ZNF117: variants seen among roughly 807,000 people sequenced by gnomAD.
The protein encoded by ZNF117 is Krueppel-related zinc finger protein.
In ZNF117, 37 loss-of-function variants were observed where a neutral mutation model predicts 41.2. The ratio of observed to expected loss-of-function variants is 0.90; its 90% CI spans 0.69 to 1.18. ZNF117 has a LOEUF of 1.18. Among genes scored for constraint, ZNF117 ranks in the 50% most tolerant of loss-of-function variants. The pLI, the probability that ZNF117 is intolerant of heterozygous loss-of-function variation, is 0.00. For missense variants in ZNF117, 546 were observed against 557.5 expected (o/e 0.98, Z 0.21); for synonymous variants, 186 against 186.6 (o/e 1.00, Z 0.02).
chr7:64,986,825 T>C (rs151265032), upstream of ZNF117, among the ~76,000 whole-genome samples: 1 of 152,244 alleles, frequency 6.6e-6, no homozygotes, highest in East Asian at 1.9e-4. Flanking sequence ...GAGATTTATA[T>C]TTAGATTCTG....
upstream of ZNF117, among the ~76,000 whole-genome samples, chr7:64,983,845 C>G (rs976432709): frequency 5.3e-5 from 8 of 152,158 alleles, no homozygotes; most frequent in African/African-American, 1.9e-4. Flanking sequence ...AAAAACAGCT[C>G]TCACTCTGAG....
At chr7:64,979,169 C>T in exon 3 of ZNF117, 1 of 1,605,094 alleles carries the variant, frequency 6.2e-7, no homozygotes. Flanking sequence ...TGTAGAAATT[C>T]ACTCTAGTTT....
downstream of ZNF117, chr7:64,971,934 C>A (rs954158233): frequency 6.6e-6 from 1 of 151,958 alleles, no homozygotes; most frequent in African/African-American, 2.4e-5. Context: ...ATTTGCAAAT[C>A]ATACGTGGGA....
chr7:64,985,141 T>G (rs1786108033), upstream of ZNF117, among the ~76,000 whole-genome samples: 1 of 152,238 alleles, frequency 6.6e-6, no homozygotes, highest in Admixed American at 6.5e-5. Context: ...AATATTGTAG[T>G]GTTATATTCA....
chr7:64,982,422 C>G (rs548448532), upstream of ZNF117, among the ~76,000 whole-genome samples: 15 of 152,148 alleles, frequency 9.9e-5, no homozygotes, highest in Non-Finnish European at 1.9e-4. Flanking sequence ...AATGCTATAT[C>G]TGCATCATAC....
chr7:64,987,619 CAAGAATACAAATA>C (rs1372060383), intron 1 of ZNF117, among the ~76,000 whole-genome samples: 1 of 152,020 alleles, frequency 6.6e-6, no homozygotes, highest in Non-Finnish European at 1.5e-5. Context: ...CCTGACCCCA[CAAGAATACAAATA>C]ACTGTTGAAG....
chr7:64,973,930 A>T (rs926602699), downstream of ZNF117: 2 of 151,976 alleles, frequency 1.3e-5, no homozygotes, highest in African/African-American at 4.8e-5. Flanking sequence ...TAACTCCAGC[A>T]GGAATGTTTA....
At chr7:64,988,752 A>G (rs1786189439) in intron 1 of ZNF117, among the ~76,000 whole-genome samples, 3 of 152,170 alleles carry the variant, frequency 2.0e-5, no homozygotes, top group African/African-American at 7.2e-5. Flanking sequence ...CAAACTTCAC[A>G]ATACAAAGCA....
At chr7:64,979,124 G>A (rs776158864) in exon 3 of ZNF117, 17 of 1,611,638 alleles carry the variant, frequency 1.1e-5, no homozygotes, top group Non-Finnish European at 5.9e-6. Context: ...TAAGGGTTGA[G>A]GACCAGTTAA....
exon 3 of ZNF117, chr7:64,977,543 T>C (rs530270665): frequency 3.7e-6 from 2 of 542,250 alleles, no homozygotes; most frequent in South Asian, 1.5e-5. Flanking sequence ...GGTTAAAAGC[T>C]TTGCCACATT....
Position 64,980,508 on chromosome 7 carries a change from G to A in ZNF117, c.34+879C>T, listed in dbSNP as rs1428750250. Reference sequence around the variant, plus strand: ...AAAATATCAAAAAACAGATATTGTGGAGGTAAAAAATATAAAAAAGGAACT... The same window carrying A: ...AAAATATCAAAAAACAGATATTGTGAAGGTAAAAAATATAAAAAAGGAACT... On this transcript the variant is annotated intron_variant, in intron 2 of 2. Transcript: ENST00000620222. 3 of 151,726 alleles carry A rather than the reference G, an allele frequency of 2.0e-5. No homozygotes were observed. In the East Asian group the frequency reaches 5.8e-4, roughly 29 times the overall value. 9.4% of individuals were successfully genotyped at this position (151,726 alleles called of 1,614,324 possible).
exon 3 of ZNF117, chr7:64,979,244 A>C (rs1320744420): frequency 2.5e-6 from 4 of 1,608,186 alleles, no homozygotes; most frequent in Non-Finnish European, 3.4e-6. Flanking sequence ...CTTTACATTT[A>C]AAATGTTTAT....
exon 3 of ZNF117, chr7:64,977,434 TA>T: frequency 2.2e-6 from 1 of 449,238 alleles, no homozygotes; most frequent in Non-Finnish European, 4.4e-6. Flanking sequence ...TTATGTGTAG[TA>T]AGTTTTGAGC....
intron 2 of ZNF117, 150 bp from the exon 4 acceptor site, chr7:64,979,686 G>GT (rs1403069991): frequency 2.2e-5 from 12 of 535,214 alleles, no homozygotes; most frequent in Admixed American, 3.8e-5. Context: ...ACATATAAAT[G>GT]TAACAAGAGC....
At chr7:64,976,571 G>T in exon 3 of ZNF117, 2 of 200,652 alleles carry the variant, frequency 1.0e-5, no homozygotes, top group Non-Finnish European at 2.0e-5. Flanking sequence ...ATTTATATTT[G>T]TACAATTTTT....
At chr7:64,985,087 C>T (rs7795803), upstream of ZNF117, among the ~76,000 whole-genome samples, 2,245 of 152,260 alleles carry the variant, frequency 0.015, 28 homozygotes, top group Non-Finnish European at 0.023. Flanking sequence ...CCACCACGCC[C>T]GGCCGAATAT....
chr7:64,978,866 C>A (rs370609303), exon 3 of ZNF117: 6 of 1,613,298 alleles, frequency 3.7e-6, no homozygotes, highest in Non-Finnish European at 5.1e-6. Flanking sequence ...GTTCAGTAAG[C>A]TTTGAGGCTT....
intron 1 of ZNF117, among the ~76,000 whole-genome samples, chr7:64,988,108 G>A (rs938029364): frequency 6.6e-6 from 1 of 152,016 alleles, no homozygotes; most frequent in African/African-American, 2.4e-5. Flanking sequence ...CATTATATAA[G>A]AATGTCATCA....
At chr7:64,978,305 A>G in exon 3 of ZNF117, 1 of 1,607,708 alleles carries the variant, frequency 6.2e-7, no homozygotes, top group Non-Finnish European at 8.5e-7. Context: ...AGGCTTTGCC[A>G]CATTCTTCAC....
Sources: allele counts gnomAD v4.1 joint callset (sites outside exome capture counted in the v4.1 genomes callset), GRCh38; gene constraint gnomAD v4.1.1; transcripts MANE v1.5; gene names NCBI Gene and HGNC (gene_info 2026-07-23, HGNC 2026-07-21).